B3GALT1: variants seen among roughly 807,000 people sequenced by gnomAD.
The protein encoded by B3GALT1 is beta-1,3-galactosyltransferase 1, also known as UDP-Gal:betaGlcNAc beta 1,3-galactosyltransferase, polypeptide 1.
B3GALT1 carries 10 observed loss-of-function variants against 23.2 expected under a neutral mutation model. The ratio of observed to expected loss-of-function variants is 0.43; its 90% confidence interval spans 0.27 to 0.73. The LOEUF is 0.73. Among genes scored for constraint, B3GALT1 ranks in the 30% least tolerant of loss-of-function variants. The pLI is 0.21. For missense variants in B3GALT1, 299 were observed against 405.4 expected (o/e 0.74, Z 2.25); for synonymous variants, 156 against 141.5 (o/e 1.10, Z -0.73).
chr2:167,872,626 G>T lies in B3GALT1; in HGVS notation c.*2606G>T, dbSNP rs1454394768. 1 of 152,170 alleles carries T rather than the reference G, an allele frequency of 6.6e-6. No homozygotes were observed. The highest frequency in any genetic ancestry group is 1.9e-4 in the East Asian group (1 of 5,198). 9.4% of individuals were successfully genotyped at this position (152,170 alleles called of 1,614,324 possible). A position where few individuals can be genotyped will look rare whatever the true frequency, so the allele number is the denominator to read the frequency against. ...TCAGTCAAACCACCTCTGGTGTCAA[G>T]AAATTACACATTATAAACATCATAT... On this transcript the variant is annotated 3_prime_UTR_variant, in exon 5 of 5. Transcript: ENST00000392690.
chr2:167,615,866 C>A (rs907465424), intron 2 of B3GALT1, among the ~76,000 whole-genome samples: 2 of 151,944 alleles, frequency 1.3e-5, no homozygotes, highest in African/African-American at 4.8e-5. Context: ...AGCAATGAAA[C>A]TGAGGTGTGG....
rs1398729726 is a variant in B3GALT1, at chr2:167,871,856, C to T, written c.*1836C>T. On this transcript the variant is annotated 3_prime_UTR_variant, in exon 5 of 5. Coordinates refer to ENST00000392690, the MANE Select transcript of B3GALT1 (RefSeq NM_020981.4). ...ACCTGTTTGTTCTCAAAGAAAGCCCCACAGCTGAAAGAGTGTACCTTTTTT... is the reference window on the plus strand; with the variant it reads ...ACCTGTTTGTTCTCAAAGAAAGCCCTACAGCTGAAAGAGTGTACCTTTTTT... 5 of 151,150 alleles carry T rather than the reference C, an allele frequency of 3.3e-5. No homozygotes were observed. The highest frequency in any genetic ancestry group is 7.4e-5 in the Non-Finnish European group (5 of 67,882). The allele number at this position is 151,150 out of a possible 1,614,324, so 9.4% of individuals were successfully genotyped here. A position where few individuals can be genotyped will look rare whatever the true frequency, so the allele number is the denominator to read the frequency against.
chr2:167,863,658 TTCTTG>T (rs1210120449), intron 4 of B3GALT1, among the ~76,000 whole-genome samples: 2 of 152,220 alleles, frequency 1.3e-5, no homozygotes, highest in African/African-American at 2.4e-5. Flanking sequence ...ATGCTACTCT[TTCTTG>T]TCTTTAGTTA....
chr2:167,550,147 G>A (rs1683720756), intron 2 of B3GALT1, among the ~76,000 whole-genome samples: 1 of 152,148 alleles, frequency 6.6e-6, no homozygotes, highest in South Asian at 2.1e-4. Context: ...TCATCTCTTT[G>A]CATTGCTATC....
intron 1 of B3GALT1, among the ~76,000 whole-genome samples, chr2:167,470,403 T>A (rs1259022506): frequency 6.6e-6 from 1 of 152,224 alleles, no homozygotes; most frequent in Non-Finnish European, 1.5e-5. Context: ...ATTTTAGTCT[T>A]GGCATTCTAA....
At chr2:167,344,769 A>G (rs986909997) in intron 1 of B3GALT1, among the ~76,000 whole-genome samples, 2 of 152,184 alleles carry the variant, frequency 1.3e-5, no homozygotes, top group African/African-American at 4.8e-5. Context: ...CCATTTGGTA[A>G]AAAATACAAA....
At chr2:167,415,785 T>C (rs1698459842) in intron 1 of B3GALT1, among the ~76,000 whole-genome samples, 1 of 152,308 alleles carries the variant, frequency 6.6e-6, no homozygotes. Flanking sequence ...CCATCCTTGT[T>C]GTAAACTGGC....
chr2:167,512,510 A>T (rs1358822105), intron 2 of B3GALT1, among the ~76,000 whole-genome samples: 335 of 144,666 alleles, frequency 2.3e-3, no homozygotes, highest in African/African-American at 8.1e-3. Flanking sequence ...TTATACATGC[A>T]TATATACATA....
chr2:167,642,350 G>A (rs1685667752), intron 2 of B3GALT1, among the ~76,000 whole-genome samples: 1 of 152,146 alleles, frequency 6.6e-6, no homozygotes, highest in Non-Finnish European at 1.5e-5. Flanking sequence ...AAACCAGCCA[G>A]TATAAAAAGT....
At chr2:167,314,510 A>G (rs1696681824) in intron 1 of B3GALT1, among the ~76,000 whole-genome samples, 1 of 152,310 alleles carries the variant, frequency 6.6e-6, no homozygotes, top group South Asian at 2.1e-4. Flanking sequence ...GGTTTTACCA[A>G]ATTAATTGTT....
chr2:167,512,548 ATATATATG>A lies in B3GALT1; in HGVS notation c.-410+22279_-410+22286del, dbSNP rs1202897518. ...TATGTGTGTGTGTATATATATATGT[ATATATATG>A]TATATATATATGTATATATATATGT... On this transcript the variant is annotated intron_variant, in intron 2 of 4. Coordinates refer to ENST00000392690, the MANE Select transcript of B3GALT1 (RefSeq NM_020981.4). Among the ~76,000 whole-genome samples the A allele has an allele frequency of 2.1e-3, 191 of 90,208 alleles. 8 individuals carry two copies. The highest frequency in any genetic ancestry group is 0.013 in the Admixed American group (113 of 8,756). The allele number at this position is 90,208 out of a possible 152,430, so 59.2% of individuals were successfully genotyped here.
intron 3 of B3GALT1, among the ~76,000 whole-genome samples, chr2:167,668,138 C>T (rs559926005): frequency 6.6e-6 from 1 of 152,036 alleles, no homozygotes; most frequent in African/African-American, 2.4e-5. Context: ...TGTGGATGTC[C>T]TTTCTGTTTG....
intron 3 of B3GALT1, among the ~76,000 whole-genome samples, chr2:167,669,808 C>T (rs943034090): frequency 6.6e-6 from 1 of 152,012 alleles, no homozygotes. Flanking sequence ...TGAGACAGTG[C>T]CTGGCTTCCC....
chr2:167,743,050 C>A (rs115422053), intron 3 of B3GALT1, among the ~76,000 whole-genome samples: 3,477 of 152,118 alleles, frequency 0.023, 60 homozygotes, highest in Non-Finnish European at 0.036. Context: ...TGTACTTTTT[C>A]TATGAATATT....
intron 4 of B3GALT1, among the ~76,000 whole-genome samples, chr2:167,828,472 G>A (rs571034606): frequency 6.6e-6 from 1 of 152,304 alleles, no homozygotes; most frequent in South Asian, 2.1e-4. Flanking sequence ...ACCTACCAGT[G>A]TGTGGTTTCT....
intron 3 of B3GALT1, among the ~76,000 whole-genome samples, chr2:167,756,509 A>G (rs1301462627): frequency 1.3e-5 from 2 of 152,340 alleles, no homozygotes; most frequent in African/African-American, 2.4e-5. Flanking sequence ...GCTACGATCA[A>G]TACTGTTCTA....
chr2:167,814,490 G>A (rs1302561349), intron 3 of B3GALT1, among the ~76,000 whole-genome samples: 5 of 152,120 alleles, frequency 3.3e-5, no homozygotes, highest in Admixed American at 6.5e-5. Flanking sequence ...GGCCGGGAGC[G>A]GTGGCTCACA....
chr2:167,810,343 T>C (rs573428353), intron 3 of B3GALT1, among the ~76,000 whole-genome samples: 2 of 151,006 alleles, frequency 1.3e-5, no homozygotes, highest in East Asian at 3.9e-4. Context: ...CAGTTGGAAA[T>C]GCAGAAATCA....
intron 1 of B3GALT1, among the ~76,000 whole-genome samples, chr2:167,357,936 T>C (rs540312628): frequency 6.6e-6 from 1 of 152,368 alleles, no homozygotes; most frequent in East Asian, 1.9e-4. Flanking sequence ...TAAGAGCATT[T>C]TGAATGTGAA....
Sources: allele counts gnomAD v4.1 joint callset (sites outside exome capture counted in the v4.1 genomes callset), GRCh38; gene constraint gnomAD v4.1.1; transcripts MANE v1.5; gene names NCBI Gene and HGNC (gene_info 2026-07-23, HGNC 2026-07-21).